Variants in THSD7A observed in about 807,000 individuals in gnomAD.
THSD7A encodes the protein thrombospondin type 1 domain containing 7A.
Under a neutral mutation model 231.3 loss-of-function variants are expected in THSD7A, and 96 were observed. The observed-to-expected ratio is 0.41, with a 90% confidence interval of 0.35 to 0.49. The LOEUF is 0.49. Among genes scored for constraint, THSD7A ranks in the 20% least tolerant of loss-of-function variants. The pLI is 0.05. For missense variants in THSD7A, 2,290 were observed against 2,070.2 expected (o/e 1.11, Z -2.06); for synonymous variants, 940 against 743.3 (o/e 1.26, Z -4.30).
intron 1 of THSD7A, among the ~76,000 whole-genome samples, chr7:11,672,906 T>C (rs898400790): frequency 6.6e-6 from 1 of 152,190 alleles, no homozygotes; most frequent in Non-Finnish European, 1.5e-5. Context: ...TAATTTTAAT[T>C]AGTTTCAGCT....
At chr7:11,591,951 C>T (rs554448528) in intron 3 of THSD7A, among the ~76,000 whole-genome samples, 53 of 152,150 alleles carry the variant, frequency 3.5e-4, no homozygotes, top group Middle Eastern at 3.4e-3. Flanking sequence ...TGCTTCCCCC[C>T]AAAAAGGGCA....
rs184761558 is a variant in THSD7A at position 11,682,301 on chromosome 7, C to T, written c.191-45340G>A. Among the ~76,000 whole-genome samples the T allele has an allele frequency of 1.8e-3, 274 of 152,140 alleles. 1 individual carries two copies. Among genetic ancestry groups the T allele is most frequent in the Middle Eastern group, 3.4e-3 (1 of 294 alleles). ...CAGCCTCAATGCTCTACTTAGAAGACGTAGAATGGCAAATTGTATTTTTAA... is the reference window on the plus strand; with the variant it reads ...CAGCCTCAATGCTCTACTTAGAAGATGTAGAATGGCAAATTGTATTTTTAA... On this transcript the variant is annotated intron_variant, in intron 1 of 27. Coordinates refer to ENST00000423059, the MANE Select transcript of THSD7A (RefSeq NM_015204.3).
chr7:11,828,650 G>C (rs1785098622), intron 1 of THSD7A, among the ~76,000 whole-genome samples: 1 of 152,054 alleles, frequency 6.6e-6, no homozygotes, highest in Non-Finnish European at 1.5e-5. Flanking sequence ...ATCCCATTCA[G>C]CTTTTACCAC....
chr7:11,633,861 A>G (rs560304005), intron 2 of THSD7A, among the ~76,000 whole-genome samples: 3 of 152,212 alleles, frequency 2.0e-5, no homozygotes, highest in African/African-American at 4.8e-5. Flanking sequence ...TGCAGTTACT[A>G]TAATGTAATT....
intron 1 of THSD7A, among the ~76,000 whole-genome samples, chr7:11,772,929 C>T (rs535735870): frequency 1.9e-4 from 29 of 152,054 alleles, no homozygotes; most frequent in African/African-American, 5.3e-4. Flanking sequence ...TAATTTCAAA[C>T]GTGGGCAGCA....
chr7:11,482,075 T>A (rs889226242), intron 6 of THSD7A, 93 bp from the exon 7 acceptor site: 45 of 1,343,706 alleles, frequency 3.3e-5, no homozygotes, highest in South Asian at 2.5e-4. Flanking sequence ...AGTTACATTA[T>A]CTTTCTTTTG....
In THSD7A at chr7:11,637,978, T is replaced by G. The variant is rs1781935731; in HGVS notation, c.191-1017A>C. On this transcript the variant is annotated intron_variant, in intron 1 of 27. Transcript: ENST00000423059. This position sits in a 1 kb window ranked among gnomAD's most constrained non-coding sequence, Gnocchi z 4.2. The stretch of plus-strand genomic sequence containing the variant: ...TGATTTTCAAAAAGTATTCCATGAA[T>G]TTGAGAAATTGTTTGATGTGCCTTA... 6.8e-6 allele frequency among the ~76,000 whole-genome samples: 1 copy of G among 148,126 alleles called. No homozygotes were observed. Among genetic ancestry groups the G allele is most frequent in the Non-Finnish European group, 1.5e-5 (1 of 66,196 alleles).
intron 1 of THSD7A, among the ~76,000 whole-genome samples, chr7:11,763,700 T>C (rs1782936544): frequency 6.6e-6 from 1 of 152,134 alleles, no homozygotes; most frequent in South Asian, 2.1e-4. Context: ...TGAATGTCAT[T>C]TCCCTTAATG....
chr7:11,674,107 G>T (rs1411033108), intron 1 of THSD7A, among the ~76,000 whole-genome samples: 2 of 151,962 alleles, frequency 1.3e-5, no homozygotes, highest in Non-Finnish European at 2.9e-5. Context: ...CTAACCCTGA[G>T]GTAGGGGAGA....
At position 11,744,686 on chromosome 7, in the gene THSD7A, T is replaced by C. The variant is rs367623512; in HGVS notation, c.190+87071A>G. Among the ~76,000 whole-genome samples, 42 of 147,458 alleles carry C rather than the reference T, an allele frequency of 2.8e-4. 1 individual carries two copies. The East Asian group carries it at 8.6e-3, about 30-fold the overall frequency. ...CAATTCCCACCTATGAGTGAGAACA[T>C]GCGGTGTTTGGTTTTGGTCCTTGTG... On this transcript the variant is annotated intron_variant, in intron 1 of 27. Coordinates refer to ENST00000423059, the MANE Select transcript of THSD7A (RefSeq NM_015204.3).
intron 4 of THSD7A, among the ~76,000 whole-genome samples, chr7:11,588,613 T>C (rs1780015234): frequency 6.6e-6 from 1 of 152,066 alleles, no homozygotes; most frequent in South Asian, 2.1e-4. Flanking sequence ...TAGCAGTGGT[T>C]GGGGGGAGCT....
intron 4 of THSD7A, among the ~76,000 whole-genome samples, chr7:11,548,849 T>A (rs117891418): frequency 2.0e-5 from 3 of 149,142 alleles, no homozygotes; most frequent in African/African-American, 4.9e-5. Context: ...GGAAAATACC[T>A]AAAAAAAAAA....
chr7:11,646,783 A>G (rs150092577), intron 1 of THSD7A, among the ~76,000 whole-genome samples: 21 of 152,188 alleles, frequency 1.4e-4, no homozygotes, highest in Non-Finnish European at 2.1e-4. Context: ...AATAAATTTA[A>G]AAGCATGCTA....
chr7:11,452,121 T>C (rs1375632865), intron 11 of THSD7A, among the ~76,000 whole-genome samples: 1 of 151,950 alleles, frequency 6.6e-6, no homozygotes, highest in Non-Finnish European at 1.5e-5. Flanking sequence ...ACCACTACAC[T>C]AGTGTCTGGG....
intron 1 of THSD7A, among the ~76,000 whole-genome samples, chr7:11,650,418 A>T (rs1024574282): frequency 6.6e-6 from 1 of 152,106 alleles, no homozygotes; most frequent in African/African-American, 2.4e-5. Context: ...AAGATACCAA[A>T]AAATGAGAGT....
chr7:11,611,840 G>GTCTATCTATCA (rs1780940344), intron 2 of THSD7A, among the ~76,000 whole-genome samples: 1 of 139,428 alleles, frequency 7.2e-6, no homozygotes, highest in African/African-American at 2.7e-5. Flanking sequence ...ACTATCATCT[G>GTCTATCTATCA]TCTATCTATC....
chr7:11,821,110 G>A (rs553347040), intron 1 of THSD7A: 2 of 1,045,900 alleles, frequency 1.9e-6, no homozygotes, highest in South Asian at 2.6e-5. Context: ...CTTGTTTTTG[G>A]CTGCCTCTTG....
intron 4 of THSD7A, among the ~76,000 whole-genome samples, chr7:11,585,822 G>A (rs1485338083): frequency 6.6e-6 from 1 of 152,064 alleles, no homozygotes; most frequent in East Asian, 1.9e-4. Flanking sequence ...CAATTCACCT[G>A]ATGTGAACAT....
intron 6 of THSD7A, among the ~76,000 whole-genome samples, chr7:11,513,724 G>T (rs554864047): frequency 8.5e-5 from 13 of 152,242 alleles, no homozygotes; most frequent in African/African-American, 2.6e-4. Flanking sequence ...TGTAGTGGTT[G>T]CACAACATTA....
Sources: allele counts gnomAD v4.1 joint callset (sites outside exome capture counted in the v4.1 genomes callset), GRCh38; gene constraint gnomAD v4.1.1; non-coding constraint Gnocchi (gnomAD v3.1); transcripts MANE v1.5; gene names NCBI Gene and HGNC (gene_info 2026-07-23, HGNC 2026-07-21).